F11R: variants seen among roughly 807,000 people sequenced by gnomAD.
F11R encodes the protein junctional adhesion molecule A.
F11R carries 27 observed loss-of-function variants against 39.3 expected under a neutral mutation model. That is an observed-to-expected ratio of 0.69 (90% confidence interval 0.51 to 0.95). The LOEUF is 0.95. Ranked by LOEUF, F11R falls within the 40% of genes least tolerant of loss-of-function variation. The pLI is 0.00. For synonymous variants in F11R, 131 were observed against 144.9 expected, an observed-to-expected ratio of 0.90 and a Z score of 0.69; for missense variants, 335 against 372.7, an observed-to-expected ratio of 0.90 and a Z score of 0.83.
At chr1:161,013,598 G>A (rs1300529204) in intron 1 of F11R, among the ~76,000 whole-genome samples, 2 of 152,192 alleles carry the variant, frequency 1.3e-5, no homozygotes, top group African/African-American at 4.8e-5. Context: ...GCCTTTCCGG[G>A]GTTTGGGGTA....
chr1:161,000,787 G>A lies in F11R; in HGVS notation c.242-10C>T, dbSNP rs1020304977. 6.2e-7 allele frequency: 1 copy of A among 1,614,144 alleles called. No homozygotes were observed. Among genetic ancestry groups the A allele is most frequent in the Non-Finnish European group, 8.5e-7 (1 of 1,180,008 alleles). ...CGGTCCTCATAGGAAGCTACCACAA[G>A]AGGAGGCAAGAGCAAGGACAGAGTG... On this transcript the variant is annotated splice_polypyrimidine_tract_variant and intron_variant, in intron 3 of 9. Coordinates refer to ENST00000368026, the MANE Select transcript of F11R (RefSeq NM_016946.6).
intron 1 of F11R, among the ~76,000 whole-genome samples, chr1:161,012,467 A>G (rs11807930): frequency 0.22 from 34,057 of 151,996 alleles, 4,564 homozygotes; most frequent in Non-Finnish European, 0.29. Context: ...ATCAATAACA[A>G]AACATAAAAG....
chr1:161,003,853 C>T (rs1648640082), intron 1 of F11R, among the ~76,000 whole-genome samples: 1 of 152,110 alleles, frequency 6.6e-6, no homozygotes, highest in African/African-American at 2.4e-5. Context: ...CAACCTCCGC[C>T]TCCCAGGTTC....
chr1:161,017,654 G>A (rs1382263457), intron 1 of F11R, among the ~76,000 whole-genome samples: 1 of 152,202 alleles, frequency 6.6e-6, no homozygotes, highest in East Asian at 1.9e-4. Context: ...GGAACTCAGA[G>A]GCTGGCGGGA....
At chr1:161,006,993 G>A (rs886299392) in intron 1 of F11R, among the ~76,000 whole-genome samples, 6 of 151,908 alleles carry the variant, frequency 3.9e-5, no homozygotes, top group South Asian at 2.1e-4. Context: ...GCAAAAATCC[G>A]TCTCTACTAA....
chr1:161,003,549 C>T (rs1648618467), intron 1 of F11R, among the ~76,000 whole-genome samples: 1 of 152,016 alleles, frequency 6.6e-6, no homozygotes, highest in Non-Finnish European at 1.5e-5. Context: ...AGGCGTGAGC[C>T]ACGGCGACCG....
rs754602828 is a variant in F11R, at chr1:160,999,415, G to T, written c.803-7C>A. 43 of 1,614,108 alleles carry T rather than the reference G, an allele frequency of 2.7e-5. No homozygotes were observed. Among genetic ancestry groups the T allele is most frequent in the Admixed American group, 3.3e-5 (2 of 60,002 alleles). On this transcript the variant is annotated splice_polypyrimidine_tract_variant and splice_region_variant and intron_variant, in intron 7 of 9. Transcript: ENST00000368026. Reference sequence around the variant, plus strand: ...ACTCACCCTTTCTTTGTTCCTGAAAGAGAAGAAATGGGATCATGAGTGTCA... The same window carrying T: ...ACTCACCCTTTCTTTGTTCCTGAAATAGAAGAAATGGGATCATGAGTGTCA...
intron 9 of F11R, 34 bp downstream of exon 9, chr1:160,999,009 G>C: frequency 6.2e-7 from 1 of 1,614,108 alleles, no homozygotes; most frequent in Non-Finnish European, 8.5e-7. Flanking sequence ...CCAGCCCCAG[G>C]TGGCCCACCC....
chr1:161,012,149 A>G (rs1649196686), intron 1 of F11R, among the ~76,000 whole-genome samples: 1 of 152,140 alleles, frequency 6.6e-6, no homozygotes, highest in African/African-American at 2.4e-5. Context: ...GGGTGAGAAG[A>G]TGGTCACAGA....
chr1:161,000,843 G>A (rs1351964042), intron 3 of F11R, 66 bp from the exon 4 acceptor site: 1 of 1,592,414 alleles, frequency 6.3e-7, no homozygotes, highest in Non-Finnish European at 8.6e-7. Context: ...CTGATGAAGG[G>A]GGCATCCAAG....
intron 1 of F11R, among the ~76,000 whole-genome samples, chr1:161,012,097 G>A (rs1324557945): frequency 6.6e-6 from 1 of 152,008 alleles, no homozygotes; most frequent in African/African-American, 2.4e-5. Context: ...ACTACACTTT[G>A]CACAGAGGAG....
At position 161,021,108 on chromosome 1, in the gene F11R, G is replaced by C. The variant is rs762957944; in HGVS notation, c.-35C>G. The C allele has an allele frequency of 3.1e-6, 5 of 1,589,764 alleles. No individual in the cohort carries two copies. The highest frequency in any genetic ancestry group is 4.3e-6 in the Non-Finnish European group (5 of 1,159,424). ...GCTCCCGACACAACAGCCGCCGAAG[G>C]ACTCCTGGGAACAGACACAGCTCCG... On this transcript the variant is annotated 5_prime_UTR_variant, in exon 1 of 10. Transcript: ENST00000368026.
At chr1:161,005,700 GTAGAGACCAGGTCCCACTATGTT>G (rs1648764966) in intron 1 of F11R, among the ~76,000 whole-genome samples, 1 of 151,830 alleles carries the variant, frequency 6.6e-6, no homozygotes, top group Non-Finnish European at 1.5e-5. Flanking sequence ...CAATTTTTTT[GTAGAGACCAGGTCCCACTATGTT>G]ACCCAGGCTG....
chr1:161,013,509 T>C (rs563085096), intron 1 of F11R, among the ~76,000 whole-genome samples: 7 of 152,318 alleles, frequency 4.6e-5, no homozygotes, highest in East Asian at 1.9e-4. Flanking sequence ...CCTGTAGAGA[T>C]TGAAGTAACT....
Position 160,999,709 on chromosome 1 carries a change from C to G in F11R, c.733G>C (p.Val245Leu). 1 of 1,614,200 alleles carries G rather than the reference C, an allele frequency of 6.2e-7. No individual in the cohort carries two copies. Among genetic ancestry groups the G allele is most frequent in the Middle Eastern group, 1.6e-4 (1 of 6,062 alleles). The change falls in exon 7 of 10, where the codon GTA (valine) becomes CTA (leucine). Residue 245 changes from valine (V) to leucine (L), a missense_variant. Transcript: ENST00000368026. ...AAGATTCCCAGGAGAATCAGGGTTACAAGGACGGCTGCCACGATGACCCCC... is the reference window on the plus strand; with the variant it reads ...AAGATTCCCAGGAGAATCAGGGTTAGAAGGACGGCTGCCACGATGACCCCC... ...NVGVIVAAVL[V>L]TLILLGILVF...
At chr1:161,015,872 A>C (rs1283829045) in intron 1 of F11R, among the ~76,000 whole-genome samples, 1 of 152,138 alleles carries the variant, frequency 6.6e-6, no homozygotes, top group African/African-American at 2.4e-5. Flanking sequence ...CATGGGAATG[A>C]GATACCCCAC....
chr1:161,000,934 TA>T (rs1387695704), intron 3 of F11R, 85 bp downstream of exon 3: 2 of 1,466,286 alleles, frequency 1.4e-6, no homozygotes, highest in African/African-American at 2.8e-5. Flanking sequence ...TGCCCTGGGA[TA>T]AGGGCACAAA....
chr1:161,014,594 C>G (rs142848710), intron 1 of F11R, among the ~76,000 whole-genome samples: 1 of 152,318 alleles, frequency 6.6e-6, no homozygotes, highest in Non-Finnish European at 1.5e-5. Context: ...TGCCTATAGC[C>G]TCAGCTATTC....
Position 161,000,230 on chromosome 1 carries a change from A to G in F11R, c.507T>C (p.Asp169=), listed in dbSNP as rs775159879. The change falls in exon 5 of 10, where the codon GAT becomes GAC. Residue 169 remains aspartate, a synonymous_variant. Transcript: ENST00000368026. ...SPPSEYTWFK[D]GIVMPTNPKS... ...TGGGATTCGTAGGCATCACTATCCC[A>G]TCTTTGAACCAGGTGTATTCAGAAG... is the stretch of plus-strand genomic sequence containing the variant. 3.7e-6 allele frequency: 6 copies of G among 1,614,048 alleles called. No individual in the cohort carries two copies. Among genetic ancestry groups the G allele is most frequent in the Non-Finnish European group, 5.1e-6 (6 of 1,180,030 alleles).
Sources: allele counts gnomAD v4.1 joint callset (sites outside exome capture counted in the v4.1 genomes callset), GRCh38; gene constraint gnomAD v4.1.1; transcripts MANE v1.5; gene names NCBI Gene and HGNC (gene_info 2026-07-23, HGNC 2026-07-21).